The following TENM2 variants were observed in gnomAD, a reference collection of about 807,000 sequenced individuals.
TENM2 encodes the protein teneurin transmembrane protein 2.
A neutral mutation model predicts 245.2 loss-of-function variants in TENM2; 52 were observed. That is an observed-to-expected ratio of 0.21 (90% confidence interval 0.17 to 0.27). TENM2 has a LOEUF of 0.27. Ranked by LOEUF, TENM2 falls within the 10% of genes least tolerant of loss-of-function variation. TENM2 has a pLI of 1.00. For missense variants in TENM2, 3,046 were observed against 3,666.8 expected (o/e 0.83, Z 4.37); for synonymous variants, 1,363 against 1,438.9 (o/e 0.95, Z 1.19).
At chr5:167,682,711 C>T (rs1025626286) in intron 2 of TENM2, among the ~76,000 whole-genome samples, 1 of 152,030 alleles carries the variant, frequency 6.6e-6, no homozygotes, top group Non-Finnish European at 1.5e-5. Flanking sequence ...TGCCATTCAC[C>T]TCCTGCTGCG....
At chr5:167,786,878 A>G (rs1035692223) in intron 2 of TENM2, among the ~76,000 whole-genome samples, 2 of 152,206 alleles carry the variant, frequency 1.3e-5, no homozygotes, top group African/African-American at 4.8e-5. Flanking sequence ...ACAACTTTCT[A>G]TGACTCAAAT....
At chr5:168,184,938 G>A (rs1760254971) in intron 13 of TENM2, among the ~76,000 whole-genome samples, 1 of 152,232 alleles carries the variant, frequency 6.6e-6, no homozygotes, top group East Asian at 1.9e-4. Context: ...ATGGTAAACA[G>A]CTGAAAGGGG....
intron 2 of TENM2, among the ~76,000 whole-genome samples, chr5:167,677,811 TAA>T (rs1247115761): frequency 6.6e-6 from 1 of 151,154 alleles, no homozygotes; most frequent in African/African-American, 2.4e-5. Context: ...GATTCTAAGA[TAA>T]GTTTGAATAG....
intron 2 of TENM2, among the ~76,000 whole-genome samples, chr5:167,865,966 T>C (rs969017504): frequency 6.6e-6 from 1 of 152,248 alleles, no homozygotes; most frequent in African/African-American, 2.4e-5. Context: ...CTATTTATTA[T>C]GTACAGGCTC....
In TENM2 at chr5:167,453,318, A is replaced by T. The variant is rs2127479060; in HGVS notation, c.502+77845A>T. Among the ~76,000 whole-genome samples the T allele has an allele frequency of 1.3e-5, 2 of 152,232 alleles. 1 individual carries two copies. Among genetic ancestry groups the T allele is most frequent in the East Asian group, 3.9e-4 (2 of 5,162 alleles). ...GTTTTGTTGAAATGGCCCAATTTTT[A>T]TCTAAGAAAACACATCTTCCACCAA... On this transcript the variant is annotated intron_variant, in intron 2 of 28. Transcript: ENST00000518659.
At chr5:167,532,165 G>A (rs573670440) in intron 2 of TENM2, among the ~76,000 whole-genome samples, 43 of 152,030 alleles carry the variant, frequency 2.8e-4, no homozygotes, top group Non-Finnish European at 4.9e-4. Flanking sequence ...ATTGCCTGAC[G>A]TCTTAGGATC....
At chr5:167,870,591 A>ATATATATGTGTATATATG (rs1458510790) in intron 2 of TENM2, among the ~76,000 whole-genome samples, 3 of 147,286 alleles carry the variant, frequency 2.0e-5, no homozygotes, top group Non-Finnish European at 4.5e-5. Flanking sequence ...ATATATATGT[A>ATATATATGTGTATATATG]TATATATGTG....
At chr5:167,872,484 AAAAGAAAGAAAGAAAGAAAG>A (rs377717879) in intron 2 of TENM2, among the ~76,000 whole-genome samples, 8 of 99,654 alleles carry the variant, frequency 8.0e-5, no homozygotes, top group African/African-American at 2.2e-4. Flanking sequence ...GAAAGAAAGA[AAAAGAAAGAAAGAAAGAAAG>A]AAAGAAAGAA....
chr5:168,100,952 T>G (rs1793766682), intron 9 of TENM2, among the ~76,000 whole-genome samples: 1 of 148,538 alleles, frequency 6.7e-6, no homozygotes, highest in Non-Finnish European at 1.5e-5. Flanking sequence ...GACAAGATGC[T>G]GCCCGACAGC....
At chr5:168,096,272 G>T (rs1011375306) in intron 8 of TENM2, among the ~76,000 whole-genome samples, 1 of 152,124 alleles carries the variant, frequency 6.6e-6, no homozygotes, top group Non-Finnish European at 1.5e-5. Flanking sequence ...GTGTGAAATT[G>T]CTGATTTGCT....
chr5:167,645,156 A>G (rs1779849053), intron 2 of TENM2, among the ~76,000 whole-genome samples: 1 of 152,230 alleles, frequency 6.6e-6, no homozygotes, highest in African/African-American at 2.4e-5. Context: ...TATGTGGTGC[A>G]TGACTGTACA....
intron 2 of TENM2, among the ~76,000 whole-genome samples, chr5:167,394,080 A>G (rs1050309167): frequency 2.6e-5 from 4 of 152,060 alleles, no homozygotes; most frequent in African/African-American, 9.7e-5. Flanking sequence ...CGTAGATTGC[A>G]TTTTCATTTT....
chr5:167,824,007 A>G (rs1767755841), intron 2 of TENM2, among the ~76,000 whole-genome samples: 1 of 151,974 alleles, frequency 6.6e-6, no homozygotes, highest in South Asian at 2.1e-4. Flanking sequence ...ACCTTACCTA[A>G]TTCAGGTTTG....
chr5:167,019,054 A>G, the TENM2 span, among the ~76,000 whole-genome samples: 1 of 152,180 alleles, frequency 6.6e-6, no homozygotes, highest in African/African-American at 2.4e-5. Context: ...TGAGCTTTGC[A>G]TTCCTATTTT....
chr5:167,987,884 C>T (rs1462333102), intron 4 of TENM2, among the ~76,000 whole-genome samples: 2 of 152,168 alleles, frequency 1.3e-5, no homozygotes, highest in Non-Finnish European at 2.9e-5. Context: ...CAGGGTGTAA[C>T]TGTATCATGG....
intron 2 of TENM2, among the ~76,000 whole-genome samples, chr5:167,675,412 A>G (rs1047633858): frequency 6.6e-6 from 1 of 152,058 alleles, no homozygotes; most frequent in Non-Finnish European, 1.5e-5. Flanking sequence ...AATTATATGA[A>G]CCCACAGTAC....
At chr5:167,736,638 T>G (rs1476142670) in intron 2 of TENM2, among the ~76,000 whole-genome samples, 1 of 149,544 alleles carries the variant, frequency 6.7e-6, no homozygotes, top group Non-Finnish European at 1.5e-5. Context: ...ATAAATGTGT[T>G]GGATTAGCAG....
chr5:167,944,049 C>A (rs1366571336), intron 3 of TENM2, among the ~76,000 whole-genome samples: 9 of 152,166 alleles, frequency 5.9e-5, no homozygotes, highest in Non-Finnish European at 1.2e-4. Flanking sequence ...TCAAGTAATA[C>A]TTTCCTGATG....
chr5:167,278,141 A>G, the TENM2 span, among the ~76,000 whole-genome samples: 1 of 151,938 alleles, frequency 6.6e-6, no homozygotes, highest in African/African-American at 2.4e-5. Flanking sequence ...CCATCTCCAT[A>G]AAAAATACAC....
Sources: allele counts gnomAD v4.1 joint callset (sites outside exome capture counted in the v4.1 genomes callset), GRCh38; gene constraint gnomAD v4.1.1; transcripts MANE v1.5; gene names NCBI Gene and HGNC (gene_info 2026-07-23, HGNC 2026-07-21).